Variants in TCF3 observed in about 807,000 individuals in gnomAD.
TCF3 encodes transcription factor 3.
TCF3 carries 54 observed loss-of-function variants against 72.3 expected under a neutral mutation model. The ratio of observed to expected loss-of-function variants is 0.75; its 90% CI spans 0.60 to 0.94. The LOEUF (loss-of-function observed/expected upper bound fraction) is 0.94, where lower values mean the gene tolerates loss of function less well. Ranked by LOEUF, TCF3 falls within the 40% of genes least tolerant of loss-of-function variation. The probability of loss-of-function intolerance (pLI) is 0.00; values close to 1 mark genes in which losing one functional copy is unlikely to be tolerated. For missense variants in TCF3, 1,078 were observed against 934.4 expected, an observed-to-expected ratio of 1.15 and a Z score of -2.00; for synonymous variants, 525 against 412.6, an observed-to-expected ratio of 1.27 and a Z score of -3.30.
chr19:1,646,903 G>C (rs2066196557), intron 2 of TCF3, among the ~76,000 whole-genome samples: 1 of 152,258 alleles, frequency 6.6e-6, no homozygotes, highest in South Asian at 2.1e-4. Flanking sequence ...CTCGTTTCCT[G>C]TGTGTGCACT....
At chr19:1,650,602 T>G in intron 1 of TCF3, 1 of 283,698 alleles carries the variant, frequency 3.5e-6, no homozygotes, top group Non-Finnish European at 6.6e-6. Context: ...AAGTTTAAAC[T>G]GCACGCAGGG....
chr19:1,648,153 C>A lies in TCF3; in HGVS notation c.73-1726G>T, dbSNP rs374955159. Among the ~76,000 whole-genome samples the A allele has an allele frequency of 3.9e-5, 6 of 152,194 alleles. No homozygotes were observed. The East Asian group carries it at 7.7e-4, about 20-fold the overall frequency. On this transcript the variant is annotated intron_variant, in intron 2 of 18. Coordinates refer to ENST00000262965, the MANE Select transcript of TCF3 (RefSeq NM_003200.5). ...AACAGCCTGGGTTAGCGTTCTCCCT[C>A]GTATTTATTTGGAGTTCCCTGTTCT...
intron 2 of TCF3, among the ~76,000 whole-genome samples, chr19:1,646,968 C>T (rs1487768878): frequency 1.3e-5 from 2 of 152,192 alleles, no homozygotes; most frequent in Non-Finnish European, 2.9e-5. Context: ...GGGTAGGGCC[C>T]AGTGTCCCCC....
intron 3 of TCF3, among the ~76,000 whole-genome samples, chr19:1,642,922 C>G (rs2065547274): frequency 6.6e-6 from 1 of 152,226 alleles, no homozygotes; most frequent in Admixed American, 6.5e-5. Flanking sequence ...GATTTTCACT[C>G]TGACCGTGTG....
At chr19:1,635,153 C>A (rs1047857549) in intron 3 of TCF3, among the ~76,000 whole-genome samples, 8 of 152,226 alleles carry the variant, frequency 5.3e-5, no homozygotes, top group Non-Finnish European at 1.0e-4. Flanking sequence ...ACCAGGTGGT[C>A]TGGCTTCAGA....
Position 1,611,865 on chromosome 19 carries a change from A to T in TCF3, c.1823-16T>A, listed in dbSNP as rs779818254. ...AGGTTCCGCTCTGGAGGGAGGGGGG[A>T]GAGCTCTGTGGGAGACGGTCCCAGG... On this transcript the variant is annotated splice_polypyrimidine_tract_variant and intron_variant, in intron 18 of 18. Transcript: ENST00000262965. 6.5e-7 allele frequency: 1 copy of T among 1,529,966 alleles called. No individual in the cohort carries two copies. Among genetic ancestry groups the T allele is most frequent in the Non-Finnish European group, 8.8e-7 (1 of 1,142,642 alleles). 94.8% of individuals were successfully genotyped at this position (1,529,966 alleles called of 1,614,324 possible).
rs941205312 is a variant in TCF3 at position 1,623,861 on chromosome 19, C to G, written c.549+90G>C. ...GGGCCTGTCCACTCAGGGCCCACCC[C>G]GCCATGTGTGTTCCCAAGCTTCGCC... On this transcript the variant is annotated intron_variant, in intron 8 of 18. Transcript: ENST00000262965. The G allele has an allele frequency of 3.5e-5, 48 of 1,373,042 alleles. No homozygotes were observed. In the African/African-American group the frequency reaches 6.6e-4, roughly 19 times the overall value. 85.1% of individuals were successfully genotyped at this position (1,373,042 alleles called of 1,614,324 possible). A position where few individuals can be genotyped will look rare whatever the true frequency, so the allele number is the denominator to read the frequency against.
intron 3 of TCF3, among the ~76,000 whole-genome samples, chr19:1,634,360 C>T (rs909076594): frequency 5.9e-5 from 9 of 152,200 alleles, no homozygotes; most frequent in African/African-American, 1.7e-4. Context: ...GGTGAAGCAC[C>T]GCAGAGTTTT....
intron 6 of TCF3, among the ~76,000 whole-genome samples, chr19:1,626,734 GC>G (rs1365303709): frequency 6.6e-6 from 1 of 152,208 alleles, no homozygotes; most frequent in Non-Finnish European, 1.5e-5. Flanking sequence ...ACGCGCATCT[GC>G]CCCTGGCGCA....
chr19:1,612,279 T>C, intron 18 of TCF3: 1 of 1,613,474 alleles, frequency 6.2e-7, no homozygotes, highest in Non-Finnish European at 8.5e-7. Context: ...GTCTGCGCTT[T>C]GTCCGACTTG....
chr19:1,642,213 C>T (rs879904716), intron 3 of TCF3, among the ~76,000 whole-genome samples: 41 of 151,718 alleles, frequency 2.7e-4, no homozygotes, highest in Non-Finnish European at 4.4e-4. Context: ...CACGCACACA[C>T]GCGCAGACGC....
At chr19:1,622,507 G>A in intron 8 of TCF3, 92 bp from the exon 9 acceptor site, 1 of 657,498 alleles carries the variant, frequency 1.5e-6, no homozygotes, top group Admixed American at 3.4e-5. Context: ...CCTCCTGGTA[G>A]CACATCTACC....
chr19:1,626,711 G>C (rs1454053794), intron 6 of TCF3, among the ~76,000 whole-genome samples: 1 of 152,194 alleles, frequency 6.6e-6, no homozygotes, highest in Non-Finnish European at 1.5e-5. Context: ...TCGTTGCGGG[G>C]ACTGATAGGG....
At position 1,632,384 on chromosome 19, in the gene TCF3, G is replaced by T; in HGVS notation, c.167C>A (p.Ser56Ter). Residue 56 changes from serine to a stop codon, truncating the protein, a stop_gained, in exon 4 of 19, where the codon TCA (serine) becomes TAA (stop). Transcript: ENST00000262965. LOFTEE classifies it high-confidence loss of function. Reference sequence around the variant, plus strand: ...CTGGTCGCCGCTGCCCCAGGAGCCTGAGCTGGGCCGGTCCTCAAGACCTGC... The same window carrying T: ...CTGGTCGCCGCTGCCCCAGGAGCCTTAGCTGGGCCGGTCCTCAAGACCTGC... Reference protein sequence around the residue: ...GGSGLEDRPSSGSWGSGDQSS... With the variant: ...GGSGLEDRPS 6.3e-7 allele frequency: 1 copy of T among 1,596,422 alleles called. No homozygotes were observed. The highest frequency in any genetic ancestry group is 8.5e-7 in the Non-Finnish European group (1 of 1,172,126).
chr19:1,617,827 A>G (rs1412719774), intron 16 of TCF3, among the ~76,000 whole-genome samples: 1 of 152,186 alleles, frequency 6.6e-6, no homozygotes, highest in Non-Finnish European at 1.5e-5. Context: ...GGTGCTGAGC[A>G]GCATCCCTGG....
chr19:1,646,622 C>A (rs945663693), intron 2 of TCF3, among the ~76,000 whole-genome samples, 195 bp from the exon 3 acceptor site: 1 of 152,148 alleles, frequency 6.6e-6, no homozygotes, highest in Non-Finnish European at 1.5e-5. Context: ...CCTCAAGTGA[C>A]GCTGCACCCT....
In TCF3 at chr19:1,609,580, G is replaced by A. The variant is rs2060847061; in HGVS notation, c.*2127C>T. The A allele has an allele frequency of 4.5e-6, 1 of 221,996 alleles. No homozygotes were observed. The highest frequency in any genetic ancestry group is 1.8e-4 in the South Asian group (1 of 5,432). 13.8% of individuals were successfully genotyped at this position (221,996 alleles called of 1,614,324 possible). ...AGAACGCACAGTTCCAGAGGCTATG[G>A]GGCCACTGCCCACCCAGACCTAGGG... On this transcript the variant is annotated 3_prime_UTR_variant, in exon 19 of 19. Coordinates refer to ENST00000262965, the MANE Select transcript of TCF3 (RefSeq NM_003200.5).
chr19:1,636,740 TGAG>T (rs1455473558), intron 3 of TCF3, among the ~76,000 whole-genome samples: 1 of 152,122 alleles, frequency 6.6e-6, no homozygotes. Context: ...TCCCAGCTTC[TGAG>T]GAGGATCCCG....
chr19:1,619,578 C>A, intron 14 of TCF3, 104 bp from the exon 15 acceptor site: 1 of 1,449,436 alleles, frequency 6.9e-7, no homozygotes, highest in Non-Finnish European at 9.1e-7. Context: ...CCCATCTTCC[C>A]CTTCCCCAGG....
Sources: gnomAD v4.1 joint callset for allele counts (sites outside exome capture counted in the v4.1 genomes callset) on GRCh38, gnomAD v4.1.1 for gene constraint, MANE v1.5 for transcripts, NCBI Gene and HGNC (gene_info 2026-07-23, HGNC 2026-07-21) for gene names.